The following SH3GL3 variants were observed in gnomAD, a reference collection of about 807,000 sequenced individuals.
SH3GL3 encodes endophilin-A3.
A neutral mutation model predicts 47.7 loss-of-function variants in SH3GL3; 33 were observed. That is an observed-to-expected ratio of 0.69 (90% CI 0.52 to 0.92). SH3GL3 has a LOEUF of 0.92. Among genes scored for constraint, SH3GL3 ranks in the 40% least tolerant of loss-of-function variants. SH3GL3 has a pLI of 0.00. For synonymous variants in SH3GL3, 155 were observed against 148.8 expected (o/e 1.04, Z -0.30); for missense variants, 363 against 417.8 (o/e 0.87, Z 1.14).
In SH3GL3 at chr15:83,541,379, G is replaced by T. The variant is rs913987072; in HGVS notation, c.46-17874G>T. Among the ~76,000 whole-genome samples the T allele has an allele frequency of 6.3e-3, 766 of 120,930 alleles. 12 individuals carry two copies. The highest frequency in any genetic ancestry group is 0.023 in the African/African-American group (731 of 31,786). 79.3% of individuals were successfully genotyped at this position (120,930 alleles called of 152,430 possible). On this transcript the variant is annotated intron_variant, in intron 1 of 8. Transcript: ENST00000427482. Reference sequence around the variant, plus strand: ...GACGGAGTCTCGCTCTGTCGCCCAGGCTGGAGTGCAGTGGCGCGATCTCGG... The same window carrying T: ...GACGGAGTCTCGCTCTGTCGCCCAGTCTGGAGTGCAGTGGCGCGATCTCGG...
At chr15:83,495,990 G>A (rs2042061260) in intron 1 of SH3GL3, among the ~76,000 whole-genome samples, 2 of 152,022 alleles carry the variant, frequency 1.3e-5, no homozygotes, top group Admixed American at 6.6e-5. Context: ...AAGGAGCGGG[G>A]AGGAGAAAGG....
chr15:83,525,587 A>G (rs1300961580), intron 1 of SH3GL3, among the ~76,000 whole-genome samples: 1 of 152,046 alleles, frequency 6.6e-6, no homozygotes, highest in African/African-American at 2.4e-5. Context: ...TAGCCATAAA[A>G]TGTTTGCCTA....
chr15:83,567,517 G>A (rs1250559893), intron 3 of SH3GL3, among the ~76,000 whole-genome samples: 3 of 152,074 alleles, frequency 2.0e-5, no homozygotes, highest in Admixed American at 1.3e-4. Context: ...AAGGTAAGAC[G>A]CAGTGATGCG....
Position 83,554,892 on chromosome 15 carries a change from A to G in SH3GL3, c.46-4361A>G, listed in dbSNP as rs138777743. Among the ~76,000 whole-genome samples, 1,066 of 152,276 alleles carry G rather than the reference A, an allele frequency of 7.0e-3. 7 individuals are homozygous for G. Among genetic ancestry groups the G allele is most frequent in the Admixed American group, 0.014 (220 of 15,290 alleles). The stretch of plus-strand genomic sequence containing the variant: ...TTGCATGGTACTTGAGTGTGCTTCC[A>G]AACTGTAGACTCCTATTTTCCTTCA... On this transcript the variant is annotated intron_variant, in intron 1 of 8. Transcript: ENST00000427482.
At chr15:83,506,755 A>G (rs2042522499) in intron 1 of SH3GL3, among the ~76,000 whole-genome samples, 1 of 151,946 alleles carries the variant, frequency 6.6e-6, no homozygotes, top group African/African-American at 2.4e-5. Flanking sequence ...TTCTTATTCT[A>G]AGTTTTTAAA....
chr15:83,575,084 G>T, intron 5 of SH3GL3, among the ~76,000 whole-genome samples: 1 of 152,164 alleles, frequency 6.6e-6, no homozygotes, highest in South Asian at 2.1e-4. Context: ...GTACGTAGTA[G>T]GTGTATATGT....
At chr15:83,571,289 C>G (rs571633850) in intron 4 of SH3GL3, among the ~76,000 whole-genome samples, 3 of 152,074 alleles carry the variant, frequency 2.0e-5, no homozygotes, top group Non-Finnish European at 2.9e-5. Context: ...TCTGTCAAGG[C>G]GAAATGAGCT....
In SH3GL3 at chr15:83,568,597, T is replaced by C. The variant is rs1167800379; in HGVS notation, c.256T>C (p.Tyr86His). ...KIRGQVKTTG[Y>H]PQTEGLLGDC... The stretch of plus-strand genomic sequence containing the variant: ...CCGAGGGCAGGTGAAGACCACAGGA[T>C]ACCCGCAGACGGAAGGCTTGCTGGG... Residue 86 changes from tyrosine (Y) to histidine (H), a missense_variant, in exon 4 of 9, where the codon TAC (tyrosine) becomes CAC (histidine). Transcript: ENST00000427482. 1 of 1,613,174 alleles carries C rather than the reference T, an allele frequency of 6.2e-7. No homozygotes were observed. Among genetic ancestry groups the C allele is most frequent in the African/African-American group, 1.3e-5 (1 of 75,014 alleles).
chr15:83,481,833 T>G (rs2041372624), intron 1 of SH3GL3, among the ~76,000 whole-genome samples: 1 of 152,184 alleles, frequency 6.6e-6, no homozygotes, highest in African/African-American at 2.4e-5. Flanking sequence ...AGTTAATATT[T>G]TCTACTGGAG....
intron 5 of SH3GL3, among the ~76,000 whole-genome samples, chr15:83,574,754 T>C (rs1311196142): frequency 6.6e-6 from 1 of 152,186 alleles, no homozygotes; most frequent in African/African-American, 2.4e-5. Flanking sequence ...CTCACTGAAT[T>C]ATTTCCAGCT....
chr15:83,545,423 A>G (rs1426362440), intron 1 of SH3GL3, among the ~76,000 whole-genome samples: 1 of 152,088 alleles, frequency 6.6e-6, no homozygotes, highest in Non-Finnish European at 1.5e-5. Context: ...CCTTCACTGT[A>G]TTATCTTGGA....
At chr15:83,574,057 C>T (rs2059605392) in intron 5 of SH3GL3, among the ~76,000 whole-genome samples, 1 of 152,148 alleles carries the variant, frequency 6.6e-6, no homozygotes. Flanking sequence ...ATATCCAGCA[C>T]AAGCTGACCA....
chr15:83,584,026 A>C (rs1203995594), intron 6 of SH3GL3, among the ~76,000 whole-genome samples: 1 of 152,220 alleles, frequency 6.6e-6, no homozygotes, highest in African/African-American at 2.4e-5. Context: ...AAATGACCAC[A>C]AACTGTAGCT....
intron 8 of SH3GL3, among the ~76,000 whole-genome samples, chr15:83,602,639 A>G (rs1427682882): frequency 6.6e-6 from 1 of 152,180 alleles, no homozygotes; most frequent in Non-Finnish European, 1.5e-5. Flanking sequence ...TTTTGGGGGA[A>G]CACACACATT....
intron 6 of SH3GL3, among the ~76,000 whole-genome samples, chr15:83,584,246 C>T (rs931473092): frequency 1.3e-5 from 2 of 152,168 alleles, no homozygotes; most frequent in Admixed American, 6.5e-5. Context: ...ATTCTGACCT[C>T]TGCTTCCATT....
At chr15:83,614,520 C>T (rs1025608200) in intron 8 of SH3GL3, among the ~76,000 whole-genome samples, 4 of 152,162 alleles carry the variant, frequency 2.6e-5, no homozygotes, top group African/African-American at 4.8e-5. Context: ...TAACCTTTAA[C>T]GCTTCCTTAG....
intron 1 of SH3GL3, among the ~76,000 whole-genome samples, chr15:83,459,986 C>G (rs1252261206): frequency 7.3e-6 from 1 of 136,296 alleles, no homozygotes; most frequent in Admixed American, 7.2e-5. Context: ...TTCCCTTTCC[C>G]CTTTCCCTTT....
intron 1 of SH3GL3, among the ~76,000 whole-genome samples, chr15:83,536,052 T>C (rs980113070): frequency 4.6e-5 from 7 of 152,188 alleles, no homozygotes; most frequent in African/African-American, 1.2e-4. Context: ...ATGCAAAAAG[T>C]GAATACAAGT....
chr15:83,536,475 C>T (rs1180014433), intron 1 of SH3GL3, among the ~76,000 whole-genome samples: 1 of 149,284 alleles, frequency 6.7e-6, no homozygotes, highest in East Asian at 2.0e-4. Context: ...ACAATCTTGG[C>T]TCACTGCAAC....
Sources: gnomAD v4.1 joint callset for allele counts (sites outside exome capture counted in the v4.1 genomes callset) on GRCh38, gnomAD v4.1.1 for gene constraint, MANE v1.5 for transcripts, NCBI Gene and HGNC (gene_info 2026-07-23, HGNC 2026-07-21) for gene names.